ALMS1: variants seen among roughly 807,000 people sequenced by gnomAD.
ALMS1 encodes ALMS1 centrosome and basal body associated protein, also known as centrosome-associated protein ALMS1.
A neutral mutation model predicts 352.2 loss-of-function variants in ALMS1; 271 were observed. The observed-to-expected ratio is 0.77, with a 90% confidence interval of 0.70 to 0.85. The LOEUF (loss-of-function observed/expected upper bound fraction) is 0.85, where lower values mean the gene tolerates loss of function less well. Among genes scored for constraint, ALMS1 ranks in the 40% least tolerant of loss-of-function variants. The probability of loss-of-function intolerance (pLI) is 0.00; values close to 1 mark genes in which losing one functional copy is unlikely to be tolerated. For missense variants in ALMS1, 5,445 were observed against 4,870.7 expected (o/e 1.12, Z -3.51); for synonymous variants, 1,865 against 1,761.2 (o/e 1.06, Z -1.48).
At chr2:73,548,781 A>G (rs1674370680) in intron 12 of ALMS1, among the ~76,000 whole-genome samples, 1 of 152,192 alleles carries the variant, frequency 6.6e-6, no homozygotes, top group African/African-American at 2.4e-5. Context: ...GCAATGGTAC[A>G]TTATTTGTTG....
chr2:73,414,220 G>A (rs1349768356), intron 2 of ALMS1, among the ~76,000 whole-genome samples: 1 of 151,944 alleles, frequency 6.6e-6, no homozygotes, highest in African/African-American at 2.4e-5. Context: ...GCTGTCTTCA[G>A]TGTGCCAATC....
chr2:73,516,116 A>G (rs554404533), intron 10 of ALMS1, among the ~76,000 whole-genome samples: 5 of 152,284 alleles, frequency 3.3e-5, no homozygotes, highest in African/African-American at 1.2e-4. Flanking sequence ...GAACAACCCT[A>G]TTTAAAAAAT....
chr2:73,427,877 T>A (rs1049625030), intron 6 of ALMS1, among the ~76,000 whole-genome samples: 23 of 152,218 alleles, frequency 1.5e-4, no homozygotes, highest in African/African-American at 5.3e-4. Flanking sequence ...AATAGTGATG[T>A]ACTTAATGTT....
rs1675870736 is a variant in ALMS1, at chr2:73,608,569, A to G, written c.12457A>G (p.Lys4153Glu). ...ATACCGGCTGCGAGCCCAGCTATAT[A>G]AAAAGGTCAGTGGGTCCTCTGTCTA... The part of the protein sequence containing the change: ...KSYRLRAQLY[K>E]KRVTNQLLGR... The change falls in exon 22 of 23, where the codon AAA (lysine) becomes GAA (glutamate). Residue 4153 changes from lysine (K) to glutamate (E), a missense_variant. Transcript: ENST00000613296. 6.2e-7 allele frequency: 1 copy of G among 1,612,824 alleles called. No homozygotes were observed. The highest frequency in any genetic ancestry group is 8.5e-7 in the Non-Finnish European group (1 of 1,178,868).
chr2:73,387,695 A>G (rs1376525804), intron 1 of ALMS1, among the ~76,000 whole-genome samples: 7 of 152,104 alleles, frequency 4.6e-5, no homozygotes, highest in Admixed American at 4.6e-4. Flanking sequence ...AAACGAGGGG[A>G]TGTATGATAA....
In ALMS1 at chr2:73,489,643, A is replaced by C. The variant is rs772417159; in HGVS notation, c.7684A>C (p.Ser2562Arg). 1 of 1,614,178 alleles carries C rather than the reference A, an allele frequency of 6.2e-7. No homozygotes were observed. The highest frequency in any genetic ancestry group is 8.5e-7 in the Non-Finnish European group (1 of 1,180,048). Reference protein sequence around the residue: ...RTTDLSKGLQSPRGMGCKPEA... With the variant: ...RTTDLSKGLQRPRGMGCKPEA... ...TGTTTGTATCTTCTAGGGTTTACAGAGTCCACGGGGAATGGGATGCAAGCC... is the reference window on the plus strand; with the variant it reads ...TGTTTGTATCTTCTAGGGTTTACAGCGTCCACGGGGAATGGGATGCAAGCC... The change falls in exon 10 of 23, where the codon AGT (serine) becomes CGT (arginine). Residue 2562 changes from serine to arginine, a missense_variant. Transcript: ENST00000613296.
intron 1 of ALMS1, among the ~76,000 whole-genome samples, chr2:73,403,673 TTCTA>T (rs1172147485): frequency 6.6e-6 from 1 of 152,182 alleles, no homozygotes; most frequent in Non-Finnish European, 1.5e-5. Flanking sequence ...TGGAATATCT[TTCTA>T]TTTATTTGTG....
At chr2:73,473,476 A>T (rs1219602213) in intron 9 of ALMS1, among the ~76,000 whole-genome samples, 3 of 152,070 alleles carry the variant, frequency 2.0e-5, no homozygotes, top group African/African-American at 7.2e-5. Context: ...TTGTCACTTT[A>T]TAATATTCAA....
chr2:73,603,691 C>T (rs1480496442), intron 21 of ALMS1: 7 of 269,542 alleles, frequency 2.6e-5, no homozygotes, highest in African/African-American at 1.4e-4. Flanking sequence ...GAAACTCCAT[C>T]TCTACTCAAA....
rs761712682 is a variant in ALMS1 at position 73,572,410 on chromosome 2, G to T, written c.10533G>T (p.Trp3511Cys). The change falls in exon 16 of 23, where the codon TGG (tryptophan) becomes TGT (cysteine). Residue 3511 changes from tryptophan (W) to cysteine (C), a missense_variant. Coordinates refer to ENST00000613296, the MANE Select transcript of ALMS1 (RefSeq NM_001378454.1). ...AGAGTGTTTTCATGAGACATTCTTG[G>T]AAAGATTTCTTTCAGCATCATCCAG... The part of the protein sequence containing the change: ...LGKSVFMRHS[W>C]KDFFQHHPDK... The T allele has an allele frequency of 2.8e-5, 45 of 1,610,948 alleles. No homozygotes were observed. In the African/African-American group the frequency reaches 5.1e-4, roughly 18 times the overall value.
intron 12 of ALMS1, among the ~76,000 whole-genome samples, chr2:73,543,190 A>G (rs977677909): frequency 3.3e-5 from 5 of 152,322 alleles, no homozygotes; most frequent in Non-Finnish European, 5.9e-5. Flanking sequence ...GGAACAGAAC[A>G]GAGCCCTCAG....
chr2:73,543,026 A>G (rs1031179323), intron 12 of ALMS1, among the ~76,000 whole-genome samples: 1 of 152,174 alleles, frequency 6.6e-6, no homozygotes, highest in Non-Finnish European at 1.5e-5. Context: ...TTTAAAGTTC[A>G]TATGGAACAA....
At chr2:73,609,122 C>T (rs1573062169) in intron 22 of ALMS1, among the ~76,000 whole-genome samples, 2 of 152,182 alleles carry the variant, frequency 1.3e-5, no homozygotes, top group South Asian at 2.1e-4. Context: ...CAGACCGGCT[C>T]CTATGCCTGA....
chr2:73,443,186 T>A (rs999399220), intron 7 of ALMS1, among the ~76,000 whole-genome samples: 3 of 152,148 alleles, frequency 2.0e-5, no homozygotes, highest in Non-Finnish European at 4.4e-5. Flanking sequence ...TAGTTTGGAG[T>A]TCTTGCTTTC....
chr2:73,519,246 ACTT>A (rs1444544456), intron 10 of ALMS1, among the ~76,000 whole-genome samples: 6 of 151,964 alleles, frequency 3.9e-5, no homozygotes, highest in Non-Finnish European at 7.4e-5. Flanking sequence ...TGTTATCTGG[ACTT>A]CTTCTTAAAG....
chr2:73,464,350 G>C (rs946789085), intron 9 of ALMS1, among the ~76,000 whole-genome samples: 1 of 152,274 alleles, frequency 6.6e-6, no homozygotes, highest in East Asian at 1.9e-4. Context: ...AAAACCACAT[G>C]ATTATCTCAA....
Position 73,452,221 on chromosome 2 carries a change from TAG to T in ALMS1, c.5700_5701del (p.Lys1901GlyfsTer14). 1 of 1,613,998 alleles carries T rather than the reference TAG, an allele frequency of 6.2e-7. No homozygotes were observed. Among genetic ancestry groups the T allele is most frequent in the South Asian group, 1.1e-5 (1 of 91,078 alleles). Reference protein sequence around the residue: ...QIASSSSYSNREKASIFHQQE... With the variant: ...QIASSSSYSNXEKASIFHQQE... ...TAGCATCCTCTAGTTCCTACTCAAATAGAGAGAAGGCCAGTATTTTTCATCAG... is the reference window on the plus strand; with the variant it reads ...TAGCATCCTCTAGTTCCTACTCAAATAGAGAAGGCCAGTATTTTTCATCAG... On this transcript the variant is annotated frameshift_variant, in exon 8 of 23. Coordinates refer to ENST00000613296, the MANE Select transcript of ALMS1 (RefSeq NM_001378454.1). LOFTEE classifies it high-confidence loss of function.
chr2:73,451,697 C>T lies in ALMS1; in HGVS notation c.5170C>T (p.Gln1724Ter). Residue 1724 changes from glutamine (Q) to a stop codon, truncating the protein, a stop_gained, in exon 8 of 23, where the codon CAG becomes TAG. Coordinates refer to ENST00000613296, the MANE Select transcript of ALMS1 (RefSeq NM_001378454.1). LOFTEE classifies it high-confidence loss of function. ...AGAGAAGCCCATTGTCTTCTACCAA[C>T]AGGCCCTGCCAGACAGTGAGCTAAC... ...YREKPIVFYQ[Q>*]ALPDSELTQE... 1.2e-6 allele frequency: 2 copies of T among 1,614,096 alleles called. No individual in the cohort carries two copies. Among genetic ancestry groups the T allele is most frequent in the Non-Finnish European group, 1.7e-6 (2 of 1,179,986 alleles).
chr2:73,595,974 T>C (rs746265060), intron 16 of ALMS1, among the ~76,000 whole-genome samples: 5 of 152,232 alleles, frequency 3.3e-5, no homozygotes, highest in Non-Finnish European at 7.3e-5. Context: ...ATTTTAAAAT[T>C]AGGTTATCTT....
Sources: gnomAD v4.1 joint callset for allele counts (sites outside exome capture counted in the v4.1 genomes callset) on GRCh38, gnomAD v4.1.1 for gene constraint, MANE v1.5 for transcripts, NCBI Gene and HGNC (gene_info 2026-07-23, HGNC 2026-07-21) for gene names.